Variants in VTI1A observed in about 807,000 individuals in gnomAD.
VTI1A encodes the protein vesicle transport through interaction with t-SNAREs homolog 1A.
In VTI1A, 22 loss-of-function variants were observed where a neutral mutation model predicts 34.9. The ratio of observed to expected loss-of-function variants is 0.63; its 90% CI spans 0.45 to 0.90. The LOEUF (loss-of-function observed/expected upper bound fraction) is 0.90, where lower values mean the gene tolerates loss of function less well. Ranked by LOEUF, VTI1A falls within the 40% of genes least tolerant of loss-of-function variation. The pLI, the probability that VTI1A is intolerant of heterozygous loss-of-function variation, is 0.00. For missense variants in VTI1A, 268 were observed against 275.6 expected (o/e 0.97, Z 0.20); for synonymous variants, 87 against 97.3 (o/e 0.89, Z 0.62).
intron 5 of VTI1A, among the ~76,000 whole-genome samples, chr10:112,619,857 G>A (rs923594725): frequency 6.6e-6 from 1 of 152,202 alleles, no homozygotes; most frequent in African/African-American, 2.4e-5. Flanking sequence ...ATGGAAGTTA[G>A]AGGTGGAAGG....
At chr10:112,619,771 T>C (rs1364033047) in intron 5 of VTI1A, among the ~76,000 whole-genome samples, 1 of 152,174 alleles carries the variant, frequency 6.6e-6, no homozygotes, top group Non-Finnish European at 1.5e-5. Flanking sequence ...ACATGGATCT[T>C]TCTTGCCTTT....
intron 5 of VTI1A, among the ~76,000 whole-genome samples, chr10:112,599,888 C>CT (rs1399835938): frequency 6.6e-6 from 1 of 152,168 alleles, no homozygotes; most frequent in Non-Finnish European, 1.5e-5. Context: ...CCACTGGAGA[C>CT]TTTCTATGCT....
chr10:112,780,134 A>T (rs1852074971), intron 7 of VTI1A, among the ~76,000 whole-genome samples: 1 of 149,606 alleles, frequency 6.7e-6, no homozygotes, highest in South Asian at 2.1e-4. Flanking sequence ...AAAAAAAAGC[A>T]AAAATTAGCC....
chr10:112,514,496 T>TA (rs933705448), intron 3 of VTI1A, among the ~76,000 whole-genome samples: 35 of 151,890 alleles, frequency 2.3e-4, no homozygotes, highest in Admixed American at 3.9e-4. Flanking sequence ...GTCTCTTTTT[T>TA]ATTTATTTAT....
chr10:112,787,943 C>G (rs1852344207), intron 7 of VTI1A, among the ~76,000 whole-genome samples: 1 of 151,716 alleles, frequency 6.6e-6, no homozygotes, highest in Non-Finnish European at 1.5e-5. Context: ...CTCAAGTGAT[C>G]CACCTGCCTC....
intron 2 of VTI1A, among the ~76,000 whole-genome samples, chr10:112,463,471 T>C (rs1183938633): frequency 6.6e-6 from 1 of 152,198 alleles, no homozygotes; most frequent in African/African-American, 2.4e-5. Context: ...TTAAGAAACC[T>C]GTTCCAGATT....
chr10:112,790,671 G>C (rs1852433051), intron 7 of VTI1A, among the ~76,000 whole-genome samples: 1 of 151,812 alleles, frequency 6.6e-6, no homozygotes, highest in South Asian at 2.1e-4. Context: ...GTGAGGTGGG[G>C]TTGTTCTTAC....
At chr10:112,785,024 C>G (rs1337497456) in intron 7 of VTI1A, among the ~76,000 whole-genome samples, 1 of 152,202 alleles carries the variant, frequency 6.6e-6, no homozygotes, top group Non-Finnish European at 1.5e-5. Flanking sequence ...AGGCAGATCC[C>G]TTGGCCCCCG....
At position 112,786,705 on chromosome 10, in the gene VTI1A, G is replaced by A. The variant is rs187785406; in HGVS notation, c.561-28585G>A. ...CTAATGAAATGATTATGTGATTTTT[G>A]TTCTTGATTCTATCAATGTCATGTG... On this transcript the variant is annotated intron_variant, in intron 7 of 7. Coordinates refer to ENST00000393077, the MANE Select transcript of VTI1A (RefSeq NM_145206.4). 3.5e-3 allele frequency among the ~76,000 whole-genome samples: 531 copies of A among 152,122 alleles called. 3 individuals carry two copies. The highest frequency in any genetic ancestry group is 0.012 in the African/African-American group (491 of 41,528).
intron 7 of VTI1A, among the ~76,000 whole-genome samples, chr10:112,673,315 C>CAA (rs745306451): frequency 2.9e-5 from 2 of 68,892 alleles, no homozygotes; most frequent in African/African-American, 5.4e-5. Flanking sequence ...GACTCCATCT[C>CAA]AAAAAAAAAA....
chr10:112,703,093 G>A (rs1189816042), intron 7 of VTI1A, among the ~76,000 whole-genome samples: 1 of 151,944 alleles, frequency 6.6e-6, no homozygotes, highest in East Asian at 1.9e-4. Flanking sequence ...AGCTGTTAAA[G>A]GCAAAATTAT....
rs1847817651 is a variant in VTI1A, at chr10:112,670,734, T to G, written c.560+1736T>G. 2.6e-5 allele frequency among the ~76,000 whole-genome samples: 4 copies of G among 152,308 alleles called. No homozygotes were observed. In the South Asian group the frequency reaches 8.3e-4, roughly 32 times the overall value. ...AGCCTACGGAAGAAAATTACTCTGG[T>G]GAAATCTACATGGGGTTCTCTTTGT... is the stretch of plus-strand genomic sequence containing the variant. On this transcript the variant is annotated intron_variant, in intron 7 of 7. Coordinates refer to ENST00000393077, the MANE Select transcript of VTI1A (RefSeq NM_145206.4).
chr10:112,580,459 C>T (rs1179524005), intron 5 of VTI1A, among the ~76,000 whole-genome samples: 1 of 152,068 alleles, frequency 6.6e-6, no homozygotes, highest in Admixed American at 6.6e-5. Context: ...AATTGCTGAA[C>T]CATCGCAAAG....
chr10:112,696,439 T>G (rs1381356178), intron 7 of VTI1A, among the ~76,000 whole-genome samples: 4 of 152,186 alleles, frequency 2.6e-5, no homozygotes, highest in African/African-American at 9.7e-5. Flanking sequence ...TGTTTCAGAT[T>G]TCAGGATGTG....
At chr10:112,796,661 A>G (rs1852687206) in intron 7 of VTI1A, among the ~76,000 whole-genome samples, 1 of 152,208 alleles carries the variant, frequency 6.6e-6, no homozygotes, top group African/African-American at 2.4e-5. Context: ...AAGAATCACT[A>G]TACTAGAGTA....
intron 5 of VTI1A, 33 bp downstream of exon 5, chr10:112,538,363 C>T (rs773542790): frequency 8.2e-6 from 13 of 1,587,296 alleles, no homozygotes; most frequent in Non-Finnish European, 1.1e-5. Flanking sequence ...AATTGTCTTG[C>T]TTATGCACAG....
chr10:112,650,381 A>G (rs1348195401), intron 5 of VTI1A, among the ~76,000 whole-genome samples: 1 of 152,112 alleles, frequency 6.6e-6, no homozygotes, highest in African/African-American at 2.4e-5. Context: ...ACATGCATGG[A>G]GCTGTCATCT....
chr10:112,808,486 C>G (rs545747313), intron 7 of VTI1A, among the ~76,000 whole-genome samples: 1 of 151,836 alleles, frequency 6.6e-6, no homozygotes, highest in South Asian at 2.1e-4. Flanking sequence ...ATCAGCTGGG[C>G]GTGGTGGCAG....
At chr10:112,730,509 A>G (rs1030489752) in intron 7 of VTI1A, among the ~76,000 whole-genome samples, 2 of 152,196 alleles carry the variant, frequency 1.3e-5, no homozygotes, top group Admixed American at 1.3e-4. Flanking sequence ...TCACTGACAC[A>G]TGGAGTCCCT....
Sources: allele counts gnomAD v4.1 joint callset (sites outside exome capture counted in the v4.1 genomes callset), GRCh38; gene constraint gnomAD v4.1.1; transcripts MANE v1.5; gene names NCBI Gene and HGNC (gene_info 2026-07-23, HGNC 2026-07-21).